Variants in FBXO32 observed in about 807,000 individuals in gnomAD.
FBXO32 encodes F-box only protein 32.
A neutral mutation model predicts 48.3 loss-of-function variants in FBXO32; 15 were observed. The ratio of observed to expected loss-of-function variants is 0.31; its 90% CI spans 0.21 to 0.48. FBXO32 has a LOEUF of 0.48. Ranked by LOEUF, FBXO32 falls within the 20% of genes least tolerant of loss-of-function variation. FBXO32 has a pLI of 0.99. For missense variants in FBXO32, 309 were observed against 432.7 expected (o/e 0.71, Z 2.54); for synonymous variants, 154 against 165.9 (o/e 0.93, Z 0.55).
Position 123,513,115 on chromosome 8 carries a change from G to A in FBXO32, c.651+83C>T. 2.8e-6 allele frequency: 4 copies of A among 1,411,156 alleles called. No homozygotes were observed. The highest frequency in any genetic ancestry group is 2.0e-4 in the Middle Eastern group (1 of 4,938). 87.4% of individuals were successfully genotyped at this position (1,411,156 alleles called of 1,614,324 possible). A position where few individuals can be genotyped will look rare whatever the true frequency, so the allele number is the denominator to read the frequency against. On this transcript the variant is annotated intron_variant, in intron 6 of 8. Coordinates refer to ENST00000517956, the MANE Select transcript of FBXO32 (RefSeq NM_058229.4). This position sits in a 1 kb window ranked among gnomAD's most constrained non-coding sequence, Gnocchi z 4.3. ...AAGACCAGACTCTTCCGTCACAGGAGTGAATTCAAAGTCTTGGCGAGTCTG... is the reference window on the plus strand; with the variant it reads ...AAGACCAGACTCTTCCGTCACAGGAATGAATTCAAAGTCTTGGCGAGTCTG...
rs545732920 is a variant in FBXO32, at chr8:123,498,162, A to G, written c.*5211T>C. On this transcript the variant is annotated 3_prime_UTR_variant, in exon 9 of 9. Transcript: ENST00000517956. ...CTTCTAAGCTTAGGACACAGGCTGTAATATACGCCCACTTTAGCCATGGTG... is the reference window on the plus strand; with the variant it reads ...CTTCTAAGCTTAGGACACAGGCTGTGATATACGCCCACTTTAGCCATGGTG... 1.3e-5 allele frequency: 2 copies of G among 152,346 alleles called. No homozygotes were observed. The highest frequency in any genetic ancestry group is 1.3e-4 in the Admixed American group (2 of 15,306). The allele number at this position is 152,346 out of a possible 1,614,324, so 9.4% of individuals were successfully genotyped here.
chr8:123,532,138 G>A (rs1817223286), intron 3 of FBXO32, 148 bp from the exon 4 acceptor site: 9 of 1,431,612 alleles, frequency 6.3e-6, no homozygotes, highest in South Asian at 1.5e-5. Context: ...CTTCTTTCCT[G>A]TACCCACAAG....
chr8:123,516,049 G>A (rs1270042249), intron 4 of FBXO32, among the ~76,000 whole-genome samples: 1 of 152,120 alleles, frequency 6.6e-6, no homozygotes, highest in Non-Finnish European at 1.5e-5. Flanking sequence ...CTTTAGACTG[G>A]AAGGAATCTT....
At chr8:123,528,282 T>C (rs1817129432) in intron 4 of FBXO32, among the ~76,000 whole-genome samples, 1 of 152,152 alleles carries the variant, frequency 6.6e-6, no homozygotes, top group African/African-American at 2.4e-5. Flanking sequence ...CTTCTCCTGG[T>C]TGACTTGATG....
intron 1 of FBXO32, among the ~76,000 whole-genome samples, chr8:123,536,139 G>T (rs1361272401): frequency 6.6e-6 from 1 of 152,048 alleles, no homozygotes; most frequent in East Asian, 1.9e-4. Flanking sequence ...TTGCTTTTCT[G>T]GACCCTTAAG....
intron 4 of FBXO32, among the ~76,000 whole-genome samples, chr8:123,517,202 A>G (rs920350621): frequency 2.0e-5 from 3 of 152,212 alleles, no homozygotes. Flanking sequence ...AGGCAGCCAG[A>G]GCTCTGCCTG....
rs1055378808 is a variant in FBXO32 at position 123,498,585 on chromosome 8, G to A, written c.*4788C>T. 6 of 152,144 alleles carry A rather than the reference G, an allele frequency of 3.9e-5. No homozygotes were observed. The East Asian group carries it at 7.7e-4, about 20-fold the overall frequency. The allele number at this position is 152,144 out of a possible 1,614,324, so 9.4% of individuals were successfully genotyped here. A position where few individuals can be genotyped will look rare whatever the true frequency, so the allele number is the denominator to read the frequency against. On this transcript the variant is annotated 3_prime_UTR_variant, in exon 9 of 9. Transcript: ENST00000517956. ...GAAGTTTAGTGGAGAATGAACATCC[G>A]CTGGGCTAGAAATGCACTGAATCTC...
At chr8:123,511,230 A>T (rs1222553414) in intron 6 of FBXO32, among the ~76,000 whole-genome samples, 1 of 152,202 alleles carries the variant, frequency 6.6e-6, no homozygotes, top group Non-Finnish European at 1.5e-5. Context: ...TCTGGCCCTA[A>T]GTGCTGTGCA....
intron 4 of FBXO32, among the ~76,000 whole-genome samples, chr8:123,521,599 T>A (rs1219637048): frequency 6.6e-6 from 1 of 152,200 alleles, no homozygotes; most frequent in African/African-American, 2.4e-5. Context: ...TTCCTCTACC[T>A]GTTAGTTTAA....
At chr8:123,522,749 C>G (rs1210970055) in intron 4 of FBXO32, among the ~76,000 whole-genome samples, 1 of 152,198 alleles carries the variant, frequency 6.6e-6, no homozygotes, top group African/African-American at 2.4e-5. Flanking sequence ...CCCTGCAAAG[C>G]CTTCCACTTG....
chr8:123,503,951 T>A (rs1181387308), intron 8 of FBXO32, among the ~76,000 whole-genome samples: 2 of 152,008 alleles, frequency 1.3e-5, no homozygotes, highest in Non-Finnish European at 2.9e-5. Flanking sequence ...TGGTGGCATG[T>A]GCCTGTAGTC....
chr8:123,504,968 CAAA>C (rs1273510791), intron 7 of FBXO32, among the ~76,000 whole-genome samples: 3 of 152,000 alleles, frequency 2.0e-5, no homozygotes, highest in East Asian at 3.9e-4. Flanking sequence ...ACAACAACAA[CAAA>C]AAAACCAGGT....
intron 4 of FBXO32, among the ~76,000 whole-genome samples, chr8:123,530,701 G>A (rs958825379): frequency 6.6e-6 from 1 of 151,636 alleles, no homozygotes; most frequent in South Asian, 2.1e-4. Context: ...TGCAACCTCC[G>A]CCTCCTGGAT....
chr8:123,507,939 A>G (rs991580178), intron 6 of FBXO32, among the ~76,000 whole-genome samples: 4 of 152,196 alleles, frequency 2.6e-5, no homozygotes, highest in African/African-American at 7.2e-5. Flanking sequence ...CTGTGGGAAG[A>G]ATCTGCACCT....
Position 123,503,226 on chromosome 8 carries a change from C to T in FBXO32, c.*147G>A. On this transcript the variant is annotated 3_prime_UTR_variant, in exon 9 of 9. Transcript: ENST00000517956. ...CCCAGTCAGCAACTGCATTTCTCCC[C>T]TCCAATGTCCTCTCCATGACTTATC... 1 of 545,274 alleles carries T rather than the reference C, an allele frequency of 1.8e-6. No homozygotes were observed. The highest frequency in any genetic ancestry group is 3.2e-6 in the Non-Finnish European group (1 of 316,722). The allele number at this position is 545,274 out of a possible 1,614,324, so 33.8% of individuals were successfully genotyped here.
intron 1 of FBXO32, among the ~76,000 whole-genome samples, chr8:123,536,971 T>C (rs549345291): frequency 1.3e-5 from 2 of 152,344 alleles, no homozygotes; most frequent in East Asian, 3.9e-4. Flanking sequence ...CACCGTAGAA[T>C]GTAGAAAAGT....
Position 123,537,979 on chromosome 8 carries a change from TC to T in FBXO32, c.116+2919del, listed in dbSNP as rs542246111. On this transcript the variant is annotated intron_variant, in intron 1 of 8. Transcript: ENST00000517956. ...CTGTGCGGGTGCCTGAACCACCACT[TC>T]CTTGAAGCATTCTTGGATCATCCCA... Among the ~76,000 whole-genome samples the T allele has an allele frequency of 1.2e-3, 185 of 152,284 alleles. No individual in the cohort carries two copies. The Middle Eastern group carries it at 0.014, about 11-fold the overall frequency.
Position 123,503,014 on chromosome 8 carries a change from A to T in FBXO32, c.*359T>A, listed in dbSNP as rs967770651. The T allele has an allele frequency of 6.3e-6, 1 of 159,810 alleles. No homozygotes were observed. The highest frequency in any genetic ancestry group is 2.4e-5 in the African/African-American group (1 of 41,708). 9.9% of individuals were successfully genotyped at this position (159,810 alleles called of 1,614,324 possible). A position where few individuals can be genotyped will look rare whatever the true frequency, so the allele number is the denominator to read the frequency against. On this transcript the variant is annotated 3_prime_UTR_variant, in exon 9 of 9. Transcript: ENST00000517956. ...AACAAAGCGTCCTATTTTGTATTTG[A>T]GTTTTGCCTTTTTCTTCCTAGGGAA...
intron 4 of FBXO32, among the ~76,000 whole-genome samples, chr8:123,528,113 G>A (rs1817125026): frequency 6.6e-6 from 1 of 152,218 alleles, no homozygotes; most frequent in Non-Finnish European, 1.5e-5. Flanking sequence ...AGCAATGCCT[G>A]GGTACCACCT....
Sources: gnomAD v4.1 joint callset for allele counts (sites outside exome capture counted in the v4.1 genomes callset) on GRCh38, gnomAD v4.1.1 for gene constraint, Gnocchi (gnomAD v3.1) non-coding constraint, MANE v1.5 for transcripts, NCBI Gene and HGNC (gene_info 2026-07-23, HGNC 2026-07-21) for gene names.